Variants in HMGB1 observed in about 807,000 individuals in gnomAD.
HMGB1 encodes high mobility group box 1.
For synonymous variants in HMGB1, 81 were observed against 84.0 expected (o/e 0.96, Z 0.19); for missense variants, 79 against 253.5 (o/e 0.31, Z 4.67).
chr13:30,471,033 C>CA (rs1377473805), intron 1 of HMGB1, among the ~76,000 whole-genome samples: 2 of 151,850 alleles, frequency 1.3e-5, no homozygotes, highest in African/African-American at 4.8e-5. Context: ...GGTTGGAGTG[C>CA]AGTGGTGTGG....
At chr13:30,553,985 G>A (rs1315075667) in intron 1 of HMGB1, 2 of 1,487,972 alleles carry the variant, frequency 1.3e-6, no homozygotes, top group African/African-American at 2.8e-5. Context: ...GGCAGCAGAA[G>A]ACCAAAGCAG....
rs1886223465 is a variant in HMGB1, at chr13:30,460,152, GAAT to G, written c.*1202_*1204del. On this transcript the variant is annotated 3_prime_UTR_variant, in exon 5 of 5. Transcript: ENST00000341423. ...TAAAGAAAAATCATTCAAATAAATT[GAAT>G]AATTCATACTGAGATGCAAAGTTTG... 6.6e-6 allele frequency: 1 copy of G among 152,454 alleles called. No homozygotes were observed. Among genetic ancestry groups the G allele is most frequent in the Non-Finnish European group, 1.5e-5 (1 of 67,974 alleles). 9.4% of individuals were successfully genotyped at this position (152,454 alleles called of 1,614,324 possible).
chr13:30,566,847 G>C (rs1870203888), intron 1 of HMGB1, among the ~76,000 whole-genome samples: 1 of 152,170 alleles, frequency 6.6e-6, no homozygotes, highest in Non-Finnish European at 1.5e-5. Flanking sequence ...TGAAATATTT[G>C]AAATAATTGG....
chr13:30,605,791 G>A (rs999152680), intron 1 of HMGB1, among the ~76,000 whole-genome samples: 2 of 152,068 alleles, frequency 1.3e-5, no homozygotes, highest in African/African-American at 4.8e-5. Flanking sequence ...TAAAAAAGCT[G>A]AAAGAATTGT....
chr13:30,525,569 TA>T, intron 1 of HMGB1, among the ~76,000 whole-genome samples: 1 of 152,262 alleles, frequency 6.6e-6, no homozygotes, highest in East Asian at 1.9e-4. Context: ...CTTAATTATG[TA>T]AAAAAATTCA....
At chr13:30,589,876 A>C (rs2137551628) in intron 1 of HMGB1, among the ~76,000 whole-genome samples, 1 of 152,304 alleles carries the variant, frequency 6.6e-6, no homozygotes, top group South Asian at 2.1e-4. Flanking sequence ...TCTCAAAAAA[A>C]AAAAAAGGAA....
chr13:30,559,374 A>G lies in HMGB1; in HGVS notation c.-15+57297T>C, dbSNP rs941661295. On this transcript the variant is annotated intron_variant, in intron 1 of 4. Coordinates refer to the HMGB1 transcript ENST00000405805. The surrounding 1 kb of genome is among the most constrained non-coding windows in gnomAD (Gnocchi z 6.6). The stretch of plus-strand genomic sequence containing the variant: ...ACAGGGTGAACTCCCAATCCCGGTA[A>G]GATGGCCCGAGTTTCATTGCTGGTT... 6.6e-6 allele frequency among the ~76,000 whole-genome samples: 1 copy of G among 152,236 alleles called. No homozygotes were observed. The highest frequency in any genetic ancestry group is 1.5e-5 in the Non-Finnish European group (1 of 68,042).
At chr13:30,576,671 T>G (rs1210966217) in intron 1 of HMGB1, among the ~76,000 whole-genome samples, 2 of 151,920 alleles carry the variant, frequency 1.3e-5, no homozygotes, top group African/African-American at 4.8e-5. Flanking sequence ...CACACGTCGC[T>G]GCCTCTCTCC....
At chr13:30,596,943 CA>C (rs1237701716) in intron 1 of HMGB1, among the ~76,000 whole-genome samples, 1 of 152,178 alleles carries the variant, frequency 6.6e-6, no homozygotes, top group Non-Finnish European at 1.5e-5. Context: ...TGTAGGTGAA[CA>C]AATACTGGGT....
In HMGB1 at chr13:30,588,551, G is replaced by A. The variant is rs147608099; in HGVS notation, c.-15+28120C>T. Among the ~76,000 whole-genome samples, 682 of 152,344 alleles carry A rather than the reference G, an allele frequency of 4.5e-3. 6 individuals carry two copies. Among genetic ancestry groups the A allele is most frequent in the African/African-American group, 0.016 (658 of 41,586 alleles). On this transcript the variant is annotated intron_variant, in intron 1 of 4. Transcript: ENST00000405805. ...GCATGGTTAAAAGGTTTGATGTTAA[G>A]ATAGTGCTTGGACACAAAAGATCTT...
At chr13:30,540,828 C>A (rs1868838886) in intron 1 of HMGB1, 1 of 152,192 alleles carries the variant, frequency 6.6e-6, no homozygotes, top group Non-Finnish European at 1.5e-5. Context: ...AGGTGATCCG[C>A]CTGCCTCAGC....
chr13:30,587,510 C>T (rs951669227), intron 1 of HMGB1, among the ~76,000 whole-genome samples: 2 of 152,172 alleles, frequency 1.3e-5, no homozygotes, highest in African/African-American at 4.8e-5. Flanking sequence ...TTCTGAATTT[C>T]TCAAGTGTGT....
intron 1 of HMGB1, among the ~76,000 whole-genome samples, chr13:30,575,429 A>C (rs1336904168): frequency 6.6e-6 from 1 of 152,054 alleles, no homozygotes; most frequent in Non-Finnish European, 1.5e-5. Flanking sequence ...TTACATAGGG[A>C]CTCTGTTCAA....
At chr13:30,525,774 TG>T (rs1298619140) in intron 1 of HMGB1, among the ~76,000 whole-genome samples, 5 of 150,770 alleles carry the variant, frequency 3.3e-5, no homozygotes, top group African/African-American at 1.2e-4. Flanking sequence ...AAGAACAGCA[TG>T]GGGAAATGGC....
At chr13:30,594,649 T>C (rs879075147) in intron 1 of HMGB1, among the ~76,000 whole-genome samples, 5 of 152,236 alleles carry the variant, frequency 3.3e-5, no homozygotes, top group Admixed American at 2.0e-4. Flanking sequence ...CTTACATTGA[T>C]TTCATGTGTT....
chr13:30,586,479 G>GTTT (rs11315470), intron 1 of HMGB1, among the ~76,000 whole-genome samples: 6 of 105,068 alleles, frequency 5.7e-5, no homozygotes, highest in Middle Eastern at 4.8e-3. Flanking sequence ...GGTTTTTTTT[G>GTTT]TTTTTTTTTT....
Position 30,491,907 on chromosome 13 carries a change from G to A in HMGB1, c.-14-28213C>T, listed in dbSNP as rs187405526. On this transcript the variant is annotated intron_variant, in intron 1 of 4. Transcript: ENST00000405805. ...TCATTGGCCAGGTGCGGTGGCTTAC[G>A]CCTGTAATCCCAGCACTTTGGGAGG... Among the ~76,000 whole-genome samples the A allele has an allele frequency of 7.0e-4, 107 of 152,270 alleles. 1 individual carries two copies. Among genetic ancestry groups the A allele is most frequent in the African/African-American group, 2.4e-3 (101 of 41,560 alleles).
At chr13:30,527,990 C>A (rs1458711534) in intron 1 of HMGB1, among the ~76,000 whole-genome samples, 2 of 152,094 alleles carry the variant, frequency 1.3e-5, no homozygotes, top group Non-Finnish European at 2.9e-5. Flanking sequence ...AAGTTGAGAA[C>A]AACTGTTTGA....
At chr13:30,461,830 G>A (rs906529021) in intron 4 of HMGB1, 18 of 523,858 alleles carry the variant, frequency 3.4e-5, no homozygotes, top group African/African-American at 3.9e-5. Context: ...CCAGAATGTA[G>A]AGACTTTGAT....
Sources: gnomAD v4.1 joint callset for allele counts (sites outside exome capture counted in the v4.1 genomes callset) on GRCh38, gnomAD v4.1.1 for gene constraint, Gnocchi (gnomAD v3.1) non-coding constraint, MANE v1.5 for transcripts, NCBI Gene and HGNC (gene_info 2026-07-23, HGNC 2026-07-21) for gene names.